The following AKAP6 variants were observed in gnomAD, a reference collection of about 807,000 sequenced individuals.
AKAP6 encodes A-kinase anchoring protein 6.
A neutral mutation model predicts 188.5 loss-of-function variants in AKAP6; 58 were observed. That is an observed-to-expected ratio of 0.31 (90% confidence interval 0.25 to 0.38). The LOEUF is 0.38. AKAP6 is among the 10% of genes least tolerant of loss of function. The probability of loss-of-function intolerance (pLI) is 1.00; values close to 1 mark genes in which losing one functional copy is unlikely to be tolerated. For missense variants in AKAP6, 2,710 were observed against 2,740.0 expected (o/e 0.99, Z 0.24); for synonymous variants, 989 against 998.6 (o/e 0.99, Z 0.18).
chr14:32,410,366 A>T (rs1426370286), intron 1 of AKAP6, among the ~76,000 whole-genome samples: 1 of 152,136 alleles, frequency 6.6e-6, no homozygotes, highest in African/African-American at 2.4e-5. Flanking sequence ...CCCATTGTCA[A>T]CCAGAAAAAA....
intron 1 of AKAP6, among the ~76,000 whole-genome samples, chr14:32,355,033 C>G (rs1887432642): frequency 6.6e-6 from 1 of 152,138 alleles, no homozygotes; most frequent in Non-Finnish European, 1.5e-5. Context: ...TGCTTGCTAC[C>G]CTAGTTCTCC....
chr14:32,454,184 A>T (rs963181994), intron 2 of AKAP6, among the ~76,000 whole-genome samples: 4 of 152,192 alleles, frequency 2.6e-5, no homozygotes, highest in Admixed American at 6.5e-5. Flanking sequence ...CCCTGAATCT[A>T]TCCCCAGGTA....
At chr14:32,666,575 A>C (rs1888946457) in intron 7 of AKAP6, among the ~76,000 whole-genome samples, 1 of 152,104 alleles carries the variant, frequency 6.6e-6, no homozygotes, top group Non-Finnish European at 1.5e-5. Flanking sequence ...TATTTAAAAC[A>C]TCTGTCTACA....
intron 8 of AKAP6, among the ~76,000 whole-genome samples, chr14:32,689,642 C>T (rs865816273): frequency 4.6e-5 from 7 of 152,040 alleles, no homozygotes; most frequent in Admixed American, 6.6e-5. Context: ...ATATCAGATT[C>T]CATGTCTGGA....
chr14:32,799,306 AT>A (rs2033867879), intron 12 of AKAP6, among the ~76,000 whole-genome samples: 2 of 151,988 alleles, frequency 1.3e-5, no homozygotes, highest in Admixed American at 1.3e-4. Flanking sequence ...TTTCCATTTC[AT>A]TGACTTTTAT....
At chr14:32,728,145 G>A (rs1169408174) in intron 9 of AKAP6, among the ~76,000 whole-genome samples, 2 of 150,316 alleles carry the variant, frequency 1.3e-5, no homozygotes, top group Middle Eastern at 3.3e-3. Flanking sequence ...CTCGAATGAG[G>A]AGGGCAAACA....
At chr14:32,685,826 C>T (rs1214606831) in intron 8 of AKAP6, among the ~76,000 whole-genome samples, 1 of 151,816 alleles carries the variant, frequency 6.6e-6, no homozygotes, top group Non-Finnish European at 1.5e-5. Context: ...AGGGAACCCT[C>T]ATACACTTGG....
At chr14:32,376,724 T>C (rs1487365427) in intron 1 of AKAP6, among the ~76,000 whole-genome samples, 1 of 152,150 alleles carries the variant, frequency 6.6e-6, no homozygotes, top group African/African-American at 2.4e-5. Context: ...TTTGACAGAG[T>C]ATCACTCTGT....
intron 2 of AKAP6, among the ~76,000 whole-genome samples, chr14:32,483,834 G>A (rs1410571352): frequency 6.6e-6 from 1 of 151,876 alleles, no homozygotes; most frequent in East Asian, 1.9e-4. Flanking sequence ...GAACGTGCAG[G>A]TTTGTTACAT....
chr14:32,586,458 T>C (rs1232306277), intron 5 of AKAP6, among the ~76,000 whole-genome samples: 3 of 152,066 alleles, frequency 2.0e-5, no homozygotes, highest in Non-Finnish European at 2.9e-5. Flanking sequence ...TGAAACCTCG[T>C]CTCTACAAAA....
At chr14:32,376,897 A>T (rs1198813804) in intron 1 of AKAP6, among the ~76,000 whole-genome samples, 1 of 152,118 alleles carries the variant, frequency 6.6e-6, no homozygotes, top group East Asian at 1.9e-4. Context: ...GGGTTTCGCC[A>T]TGTTGGCCAG....
chr14:32,502,027 T>C (rs1880632826), intron 2 of AKAP6, among the ~76,000 whole-genome samples: 1 of 152,112 alleles, frequency 6.6e-6, no homozygotes, highest in South Asian at 2.1e-4. Flanking sequence ...TGAGTGGGCC[T>C]TTTCCTTCCT....
At chr14:32,332,024 A>G (rs1263672081) in intron 1 of AKAP6, among the ~76,000 whole-genome samples, 2 of 152,264 alleles carry the variant, frequency 1.3e-5, no homozygotes, top group East Asian at 3.9e-4. Flanking sequence ...TCAGTACTGA[A>G]TTAAGTTTTG....
intron 12 of AKAP6, among the ~76,000 whole-genome samples, chr14:32,808,815 G>A (rs1421135124): frequency 6.6e-6 from 1 of 152,100 alleles, no homozygotes; most frequent in Non-Finnish European, 1.5e-5. Flanking sequence ...AGGTCTTCAT[G>A]TTTGGTGTGC....
At chr14:32,596,383 A>G (rs2139336794) in intron 5 of AKAP6, among the ~76,000 whole-genome samples, 1 of 152,332 alleles carries the variant, frequency 6.6e-6, no homozygotes, top group East Asian at 1.9e-4. Context: ...CCTGCCAATA[A>G]GTAGTACATC....
chr14:32,423,286 C>T (rs1889911631), intron 1 of AKAP6, among the ~76,000 whole-genome samples: 1 of 152,162 alleles, frequency 6.6e-6, no homozygotes, highest in Non-Finnish European at 1.5e-5. Context: ...CCTCCCACCT[C>T]AGCCTCCCTG....
At chr14:32,582,471 T>G (rs1885021490) in intron 5 of AKAP6, among the ~76,000 whole-genome samples, 1 of 151,464 alleles carries the variant, frequency 6.6e-6, no homozygotes, top group Non-Finnish European at 1.5e-5. Context: ...CAATTATGTG[T>G]CTTGGAGTTG....
At chr14:32,339,949 A>G (rs1383444149) in intron 1 of AKAP6, among the ~76,000 whole-genome samples, 2 of 151,386 alleles carry the variant, frequency 1.3e-5, no homozygotes, top group African/African-American at 4.8e-5. Context: ...TGAACTGAGT[A>G]TTTATTTCTC....
intron 7 of AKAP6, among the ~76,000 whole-genome samples, chr14:32,625,841 G>A (rs970827747): frequency 2.0e-5 from 3 of 152,022 alleles, no homozygotes; most frequent in Non-Finnish European, 4.4e-5. Flanking sequence ...TAAACCAAAG[G>A]GACAATATTT....
Sources: gnomAD v4.1 joint callset for allele counts (sites outside exome capture counted in the v4.1 genomes callset) on GRCh38, gnomAD v4.1.1 for gene constraint, MANE v1.5 for transcripts, NCBI Gene and HGNC (gene_info 2026-07-23, HGNC 2026-07-21) for gene names.